Variants in RRAS2 observed in about 807,000 individuals in gnomAD.
The protein encoded by RRAS2 is ras-related protein R-Ras2.
A neutral mutation model predicts 27.6 loss-of-function variants in RRAS2; 7 were observed. That is an observed-to-expected ratio of 0.25 (90% CI 0.14 to 0.48). RRAS2 has a LOEUF of 0.48. RRAS2 is among the 20% of genes least tolerant of loss of function. RRAS2 has a pLI of 0.99. For missense variants in RRAS2, 178 were observed against 256.2 expected (o/e 0.69, Z 2.08); for synonymous variants, 86 against 90.9 (o/e 0.95, Z 0.31).
chr11:14,293,917 GAATA>G (rs1462040844), intron 4 of RRAS2, among the ~76,000 whole-genome samples: 2 of 152,240 alleles, frequency 1.3e-5, no homozygotes, highest in Non-Finnish European at 2.9e-5. Context: ...AAACAAGTGA[GAATA>G]AATTAGCCTG....
intron 1 of RRAS2, among the ~76,000 whole-genome samples, chr11:14,305,220 T>C (rs1554947940): frequency 6.6e-6 from 1 of 152,204 alleles, no homozygotes. Context: ...GGGCCTGGTA[T>C]GTGCCAGCAG....
In RRAS2 at chr11:14,307,770, C is replaced by T. The variant is rs897856490; in HGVS notation, c.109-11915G>A. 6.6e-4 allele frequency among the ~76,000 whole-genome samples: 101 copies of T among 152,052 alleles called. 1 individual carries two copies. The highest frequency in any genetic ancestry group is 2.3e-3 in the African/African-American group (96 of 41,464). On this transcript the variant is annotated intron_variant, in intron 1 of 5. Transcript: ENST00000256196. ...TTTTTTAAATTATAAACTGCTACTG[C>T]CAAATAGAAAAGTAAAGTCGTTTCA...
chr11:14,337,314 C>T (rs1848608043), intron 1 of RRAS2: 1 of 152,226 alleles, frequency 6.6e-6, no homozygotes, highest in Non-Finnish European at 1.5e-5. Flanking sequence ...TAGTCATCAA[C>T]ACTGACACTG....
At chr11:14,316,067 A>T (rs1414205541) in intron 1 of RRAS2, among the ~76,000 whole-genome samples, 1 of 152,190 alleles carries the variant, frequency 6.6e-6, no homozygotes, top group Non-Finnish European at 1.5e-5. Flanking sequence ...TAAAGCAGAA[A>T]GCCCAGATCA....
intron 4 of RRAS2, among the ~76,000 whole-genome samples, chr11:14,291,313 A>G (rs1849810106): frequency 6.6e-6 from 1 of 152,234 alleles, no homozygotes; most frequent in Non-Finnish European, 1.5e-5. Flanking sequence ...AGGCCCATAA[A>G]GATTAGTGGT....
Position 14,358,797 on chromosome 11 carries a change from A to G in RRAS2, c.74T>C (p.Val25Ala). 6.7e-7 allele frequency: 1 copy of G among 1,484,482 alleles called. No homozygotes were observed. The highest frequency in any genetic ancestry group is 9.0e-7 in the Non-Finnish European group (1 of 1,111,158). 92.0% of individuals were successfully genotyped at this position (1,484,482 alleles called of 1,614,324 possible). Reference sequence around the variant, plus strand: ...CTGGATGGTGAGCGCCGACTTGCCCACGCCGCCCCCGCCGACCACCACGAG... The same window carrying G: ...CTGGATGGTGAGCGCCGACTTGCCCGCGCCGCCCCCGCCGACCACCACGAG... ...YRLVVVGGGG[V>A]GKSALTIQFI... The change falls in exon 1 of 6, where the codon GTG becomes GCG. Residue 25 changes from valine (V) to alanine (A), a missense_variant. Coordinates refer to ENST00000256196, the MANE Select transcript of RRAS2 (RefSeq NM_012250.6). The surrounding 1 kb of genome is among the most constrained non-coding windows in gnomAD (Gnocchi z 5.1).
intron 1 of RRAS2, among the ~76,000 whole-genome samples, chr11:14,345,178 G>T (rs1439123821): frequency 6.6e-6 from 1 of 151,714 alleles, no homozygotes; most frequent in Non-Finnish European, 1.5e-5. Context: ...TAGAGACGAG[G>T]TTTCACCATG....
chr11:14,354,833 C>A (rs562893880), intron 1 of RRAS2, among the ~76,000 whole-genome samples: 258 of 151,998 alleles, frequency 1.7e-3, no homozygotes, highest in Non-Finnish European at 2.7e-3. Context: ...CGCACCAACA[C>A]GCCCGGCTAA....
intron 4 of RRAS2, among the ~76,000 whole-genome samples, chr11:14,289,970 T>C (rs1849765891): frequency 6.6e-6 from 1 of 152,166 alleles, no homozygotes; most frequent in Non-Finnish European, 1.5e-5. Flanking sequence ...ACAAGCTGTG[T>C]CGGCAACAGA....
intron 1 of RRAS2, among the ~76,000 whole-genome samples, chr11:14,303,000 T>C (rs534284383): frequency 3.9e-4 from 60 of 152,340 alleles, no homozygotes; most frequent in Admixed American, 1.7e-3. Context: ...TCTATGTCTA[T>C]GTAGAGTACA....
intron 1 of RRAS2, among the ~76,000 whole-genome samples, chr11:14,331,826 T>C (rs1310173270): frequency 6.6e-6 from 1 of 152,086 alleles, no homozygotes; most frequent in Non-Finnish European, 1.5e-5. Context: ...GTTCCAAATA[T>C]ATTAAGAAAC....
At chr11:14,326,614 C>CA in intron 1 of RRAS2, among the ~76,000 whole-genome samples, 1 of 152,036 alleles carries the variant, frequency 6.6e-6, no homozygotes, top group South Asian at 2.1e-4. Context: ...GCTGACTTGA[C>CA]AAAATTAAGA....
chr11:14,340,504 T>C (rs1451564294), intron 1 of RRAS2, among the ~76,000 whole-genome samples: 2 of 152,102 alleles, frequency 1.3e-5, no homozygotes, highest in Admixed American at 6.5e-5. Context: ...TTCCAATTTA[T>C]TAAAAAGTCT....
intron 1 of RRAS2, among the ~76,000 whole-genome samples, chr11:14,327,148 T>G (rs1045837930): frequency 3.0e-4 from 46 of 152,170 alleles, no homozygotes; most frequent in Non-Finnish European, 1.6e-4. Flanking sequence ...AAAACTAAGA[T>G]GAAGCAGACA....
intron 1 of RRAS2, among the ~76,000 whole-genome samples, chr11:14,350,560 CT>C (rs1394068537): frequency 6.6e-6 from 1 of 152,148 alleles, no homozygotes; most frequent in African/African-American, 2.4e-5. Flanking sequence ...AACAAAACCT[CT>C]TTTCTTTATA....
At chr11:14,320,979 G>C (rs554807410) in intron 1 of RRAS2, among the ~76,000 whole-genome samples, 1 of 152,042 alleles carries the variant, frequency 6.6e-6, no homozygotes, top group Non-Finnish European at 1.5e-5. Flanking sequence ...TCAGGAGTTC[G>C]AGACCAGCCT....
chr11:14,303,178 T>A (rs1328117600), intron 1 of RRAS2, among the ~76,000 whole-genome samples: 4 of 152,208 alleles, frequency 2.6e-5, no homozygotes, highest in Admixed American at 1.3e-4. Flanking sequence ...ACTTCTGTCT[T>A]ATTAGTAATA....
chr11:14,353,315 C>CA (rs1334216793), intron 1 of RRAS2, among the ~76,000 whole-genome samples: 5 of 152,170 alleles, frequency 3.3e-5, no homozygotes, highest in Non-Finnish European at 7.4e-5. Flanking sequence ...ACCTACTCAA[C>CA]AAAAGTGCTC....
At chr11:14,294,620 C>T in intron 3 of RRAS2, 41 bp from the exon 4 acceptor site, 1 of 1,511,992 alleles carries the variant, frequency 6.6e-7, no homozygotes, top group Non-Finnish European at 9.0e-7. Context: ...TCAATTTGGT[C>T]AAGTATCAGA....
Sources: allele counts gnomAD v4.1 joint callset (sites outside exome capture counted in the v4.1 genomes callset), GRCh38; gene constraint gnomAD v4.1.1; non-coding constraint Gnocchi (gnomAD v3.1); transcripts MANE v1.5; gene names NCBI Gene and HGNC (gene_info 2026-07-23, HGNC 2026-07-21).